Variants in RANBP17 observed in about 807,000 individuals in gnomAD.
RANBP17 encodes the protein ran-binding protein 17.
RANBP17 carries 158 observed loss-of-function variants against 141.2 expected under a neutral mutation model. That is an observed-to-expected ratio of 1.12 (90% CI 0.98 to 1.28). The LOEUF (loss-of-function observed/expected upper bound fraction) is 1.28. Ranked by LOEUF, RANBP17 falls within the 50% of genes most tolerant of loss-of-function variation. The pLI, the probability that RANBP17 is intolerant of heterozygous loss-of-function variation, is 0.00. For missense variants in RANBP17, 1,438 were observed against 1,290.7 expected, an observed-to-expected ratio of 1.11 and a Z score of -1.75; for synonymous variants, 430 against 450.0, an observed-to-expected ratio of 0.96 and a Z score of 0.56.
chr5:170,998,857 G>A (rs1408045375), intron 14 of RANBP17, among the ~76,000 whole-genome samples: 1 of 151,988 alleles, frequency 6.6e-6, no homozygotes, highest in Non-Finnish European at 1.5e-5. Context: ...TCATTTGTGA[G>A]TGTTGTTTTC....
intron 14 of RANBP17, among the ~76,000 whole-genome samples, chr5:170,977,216 A>G (rs1057420736): frequency 4.6e-5 from 7 of 152,122 alleles, no homozygotes; most frequent in South Asian, 2.1e-4. Context: ...AAGAAAATCT[A>G]TGAATGGCCA....
At chr5:171,297,483 A>G (rs1768888821) in intron 27 of RANBP17, among the ~76,000 whole-genome samples, 1 of 152,212 alleles carries the variant, frequency 6.6e-6, no homozygotes, top group Non-Finnish European at 1.5e-5. Flanking sequence ...CCCAGTAGCC[A>G]CAGTGTATTC....
intron 14 of RANBP17, among the ~76,000 whole-genome samples, chr5:171,005,985 A>T (rs1293113078): frequency 6.6e-6 from 1 of 152,232 alleles, no homozygotes; most frequent in East Asian, 1.9e-4. Flanking sequence ...GCCAAAAGAC[A>T]CATGAAAAAA....
intron 14 of RANBP17, among the ~76,000 whole-genome samples, chr5:171,159,931 A>AG (rs1759210332): frequency 6.6e-6 from 1 of 150,998 alleles, no homozygotes; most frequent in African/African-American, 2.4e-5. Context: ...AAAAAAAAAA[A>AG]AAAAAAAAAA....
At chr5:171,288,264 C>T (rs1024900419) in intron 25 of RANBP17, among the ~76,000 whole-genome samples, 2 of 152,166 alleles carry the variant, frequency 1.3e-5, no homozygotes, top group African/African-American at 4.8e-5. Flanking sequence ...TGGATTCTAA[C>T]CACAAGAATT....
At position 170,918,765 on chromosome 5, in the gene RANBP17, T is replaced by C. The variant is rs780838711; in HGVS notation, c.1007T>C (p.Leu336Ser). The C allele has an allele frequency of 6.2e-7, 1 of 1,607,756 alleles. No individual in the cohort carries two copies. The highest frequency in any genetic ancestry group is 8.5e-7 in the Non-Finnish European group (1 of 1,176,412). ...YHEFCRFLARLKTNYQLGELV... is the reference protein window; with the variant it reads ...YHEFCRFLARSKTNYQLGELV... ...GAATTTTGTCGATTTTTGGCTCGTT[T>C]AAAGACAAATTATCAGCTGGGAGAA... is the stretch of plus-strand genomic sequence containing the variant. Residue 336 changes from leucine to serine, a missense_variant, in exon 10 of 28, where the codon TTA (leucine) becomes TCA (serine). By Grantham distance (145) the Leu-to-Ser change is moderately radical (BLOSUM62 -2). Coordinates refer to ENST00000523189, the MANE Select transcript of RANBP17 (RefSeq NM_022897.5).
chr5:170,928,010 T>C (rs1773062977), intron 12 of RANBP17, among the ~76,000 whole-genome samples: 1 of 152,114 alleles, frequency 6.6e-6, no homozygotes, highest in Non-Finnish European at 1.5e-5. Context: ...GAGTTTCACT[T>C]ACTCTGCATC....
At chr5:171,235,592 A>G (rs910356851) in intron 22 of RANBP17, among the ~76,000 whole-genome samples, 3 of 152,040 alleles carry the variant, frequency 2.0e-5, no homozygotes, top group Non-Finnish European at 4.4e-5. Flanking sequence ...ATAGAAATTG[A>G]TGTACACACA....
intron 14 of RANBP17, among the ~76,000 whole-genome samples, chr5:171,024,682 T>A (rs1284656756): frequency 1.3e-5 from 2 of 152,202 alleles, no homozygotes; most frequent in Non-Finnish European, 2.9e-5. Context: ...TTTTGTTTTA[T>A]TTTCTAATCT....
intron 1 of RANBP17, among the ~76,000 whole-genome samples, chr5:170,872,012 G>A (rs909165843): frequency 6.6e-6 from 1 of 151,996 alleles, no homozygotes; most frequent in Non-Finnish European, 1.5e-5. Flanking sequence ...GCTCTTTTTT[G>A]GTTCCATATG....
intron 14 of RANBP17, among the ~76,000 whole-genome samples, chr5:171,149,360 G>A (rs962892439): frequency 6.6e-6 from 1 of 152,134 alleles, no homozygotes; most frequent in African/African-American, 2.4e-5. Flanking sequence ...TATCTAAACA[G>A]GAGAACTGTT....
At chr5:170,983,802 G>A (rs1777932633) in intron 14 of RANBP17, among the ~76,000 whole-genome samples, 1 of 152,178 alleles carries the variant, frequency 6.6e-6, no homozygotes, top group Non-Finnish European at 1.5e-5. Flanking sequence ...AAACACAGGG[G>A]ACAGTGTATT....
Position 171,298,745 on chromosome 5 carries a change from T to G in RANBP17, c.3171-17T>G. The stretch of plus-strand genomic sequence containing the variant: ...TGCCTCATTACTACCCTTGACCCTT[T>G]CTTCCTCTTTCTGCAGGTTCACCCA... On this transcript the variant is annotated splice_polypyrimidine_tract_variant and intron_variant, in intron 27 of 27. Coordinates refer to ENST00000523189, the MANE Select transcript of RANBP17 (RefSeq NM_022897.5). 1 of 1,604,538 alleles carries G rather than the reference T, an allele frequency of 6.2e-7. No homozygotes were observed. Among genetic ancestry groups the G allele is most frequent in the Non-Finnish European group, 8.5e-7 (1 of 1,171,306 alleles).
At chr5:170,904,713 G>A (rs1324535686) in intron 5 of RANBP17, among the ~76,000 whole-genome samples, 3 of 152,112 alleles carry the variant, frequency 2.0e-5, no homozygotes, top group African/African-American at 4.8e-5. Flanking sequence ...AGAGAATGGA[G>A]TTCTTCAGTA....
At chr5:171,293,211 T>C (rs1768610260) in intron 25 of RANBP17, among the ~76,000 whole-genome samples, 1 of 152,218 alleles carries the variant, frequency 6.6e-6, no homozygotes, top group Non-Finnish European at 1.5e-5. Flanking sequence ...CTCTCCTAAG[T>C]AGTCTCCCCC....
At chr5:171,252,469 A>G in intron 24 of RANBP17, 3 of 1,469,820 alleles carry the variant, frequency 2.0e-6, no homozygotes, top group Non-Finnish European at 2.9e-6. Flanking sequence ...AAGGGCTTTC[A>G]GCAACACAGA....
chr5:171,115,845 T>G (rs1028048751), intron 14 of RANBP17, among the ~76,000 whole-genome samples: 5 of 152,234 alleles, frequency 3.3e-5, no homozygotes, highest in Admixed American at 6.5e-5. Flanking sequence ...AAAGTTTTAT[T>G]CTAATGAAGT....
At chr5:170,962,122 A>G (rs914519712) in intron 13 of RANBP17, among the ~76,000 whole-genome samples, 1 of 152,226 alleles carries the variant, frequency 6.6e-6, no homozygotes, top group African/African-American at 2.4e-5. Context: ...TGGAGCACCA[A>G]CTAGCTTTAG....
At chr5:171,285,441 T>G (rs549377783) in intron 25 of RANBP17, among the ~76,000 whole-genome samples, 1 of 152,366 alleles carries the variant, frequency 6.6e-6, no homozygotes, top group African/African-American at 2.4e-5. Context: ...AAGTTGTTCC[T>G]CAAAAATACA....
Sources: gnomAD v4.1 joint callset for allele counts (sites outside exome capture counted in the v4.1 genomes callset) on GRCh38, gnomAD v4.1.1 for gene constraint, MANE v1.5 for transcripts, NCBI Gene and HGNC (gene_info 2026-07-23, HGNC 2026-07-21) for gene names.